The following DCC variants were observed in gnomAD, a reference collection of about 807,000 sequenced individuals.
DCC encodes DCC netrin 1 receptor, also known as netrin receptor DCC.
In DCC, 58 loss-of-function variants were observed where a neutral mutation model predicts 172.5. The observed-to-expected ratio is 0.34, with a 90% CI of 0.27 to 0.42. The LOEUF (loss-of-function observed/expected upper bound fraction) is 0.42. Ranked by LOEUF, DCC falls within the 10% of genes least tolerant of loss-of-function variation. The pLI is 1.00. For missense variants in DCC, 1,740 were observed against 1,791.0 expected, an observed-to-expected ratio of 0.97 and a Z score of 0.51; for synonymous variants, 709 against 644.5, an observed-to-expected ratio of 1.10 and a Z score of -1.52.
intron 15 of DCC, among the ~76,000 whole-genome samples, chr18:53,370,883 C>G (rs2058054467): frequency 6.6e-6 from 1 of 151,560 alleles, no homozygotes; most frequent in South Asian, 2.1e-4. Context: ...CCTCTATTTT[C>G]TTATTTATCT....
chr18:53,480,872 G>T (rs1248053405), intron 25 of DCC: 3 of 152,180 alleles, frequency 2.0e-5, no homozygotes, highest in African/African-American at 7.2e-5. Flanking sequence ...TAGTATCTGA[G>T]AATCAGGTAT....
intron 24 of DCC, among the ~76,000 whole-genome samples, chr18:53,461,210 A>AT (rs2045554824): frequency 6.6e-6 from 1 of 151,430 alleles, no homozygotes; most frequent in East Asian, 1.9e-4. Context: ...GGTTGCAAAA[A>AT]TTTTCTCCCA....
chr18:52,900,702 A>G (rs574485104), intron 2 of DCC, among the ~76,000 whole-genome samples: 3 of 152,200 alleles, frequency 2.0e-5, no homozygotes, highest in Admixed American at 6.5e-5. Context: ...TTGTTAATGC[A>G]TGGAGATACA....
chr18:52,989,892 A>G (rs990721368), intron 5 of DCC, among the ~76,000 whole-genome samples: 2 of 152,308 alleles, frequency 1.3e-5, no homozygotes, highest in Non-Finnish European at 1.5e-5. Context: ...TCCAGTACCC[A>G]CATGTCCACT....
chr18:52,455,069 C>G (rs1988417799), intron 1 of DCC, among the ~76,000 whole-genome samples: 1 of 152,048 alleles, frequency 6.6e-6, no homozygotes, highest in Non-Finnish European at 1.5e-5. Flanking sequence ...TATAGTAAAG[C>G]TAAAAATTCC....
chr18:52,516,693 G>A (rs903895862), intron 1 of DCC, among the ~76,000 whole-genome samples: 5 of 152,126 alleles, frequency 3.3e-5, no homozygotes, highest in African/African-American at 7.2e-5. Context: ...ACCTGAAAAG[G>A]TCATTATTGC....
chr18:52,652,597 T>G (rs1392260348), intron 1 of DCC, among the ~76,000 whole-genome samples: 6 of 152,140 alleles, frequency 3.9e-5, no homozygotes, highest in Non-Finnish European at 2.9e-5. Context: ...CCCATTGGAA[T>G]GTTCAGTCTC....
chr18:52,882,294 T>A (rs1476543479), intron 2 of DCC, among the ~76,000 whole-genome samples: 2 of 152,014 alleles, frequency 1.3e-5, no homozygotes. Context: ...TCCTTTAGGT[T>A]TTTACAAATA....
intron 15 of DCC, among the ~76,000 whole-genome samples, chr18:53,359,306 A>C (rs1183424775): frequency 6.6e-6 from 1 of 152,174 alleles, no homozygotes; most frequent in Non-Finnish European, 1.5e-5. Context: ...GTACTGAATC[A>C]CAAATACTGG....
chr18:52,722,236 AG>A (rs2036483914), intron 1 of DCC, among the ~76,000 whole-genome samples: 1 of 152,100 alleles, frequency 6.6e-6, no homozygotes, highest in Non-Finnish European at 1.5e-5. Context: ...CAAGTTTATT[AG>A]GGAATTGTGC....
intron 12 of DCC, among the ~76,000 whole-genome samples, chr18:53,303,616 G>C (rs1368872119): frequency 1.3e-5 from 2 of 152,138 alleles, no homozygotes; most frequent in Non-Finnish European, 2.9e-5. Flanking sequence ...TGGCCTGTCT[G>C]TTTGGCTGCT....
intron 12 of DCC, among the ~76,000 whole-genome samples, chr18:53,270,888 T>C (rs999737470): frequency 5.9e-5 from 9 of 152,202 alleles, no homozygotes; most frequent in Admixed American, 5.9e-4. Flanking sequence ...TATAGAGTCC[T>C]TACTATGTGC....
intron 9 of DCC, among the ~76,000 whole-genome samples, chr18:53,197,458 T>C (rs991885884): frequency 1.4e-5 from 2 of 147,674 alleles, no homozygotes; most frequent in African/African-American, 5.1e-5. Context: ...GCTGTTAAAT[T>C]GATGATTTTG....
intron 13 of DCC, among the ~76,000 whole-genome samples, chr18:53,312,175 A>AG (rs1215411937): frequency 8.4e-5 from 3 of 35,850 alleles, no homozygotes; most frequent in Non-Finnish European, 1.5e-4. Flanking sequence ...AAAAAAAAAA[A>AG]AAGAAAAAGA....
rs74584290 is a variant in DCC at position 52,771,112 on chromosome 18, T to G, written c.412+18738T>G. Reference sequence around the variant, plus strand: ...TCTGAGGTTTACGTTCATGCCTCACTGGGCCTGATTTACTCAGTGTCATCT... The same window carrying G: ...TCTGAGGTTTACGTTCATGCCTCACGGGGCCTGATTTACTCAGTGTCATCT... On this transcript the variant is annotated intron_variant, in intron 2 of 28. Transcript: ENST00000442544. Among the ~76,000 whole-genome samples the G allele has an allele frequency of 8.5e-5, 13 of 152,322 alleles. No individual in the cohort carries two copies. In the East Asian group the frequency reaches 2.5e-3, roughly 30 times the overall value.
chr18:53,270,242 G>T (rs1047497398), intron 12 of DCC, among the ~76,000 whole-genome samples: 2 of 152,096 alleles, frequency 1.3e-5, no homozygotes, highest in Non-Finnish European at 2.9e-5. Flanking sequence ...CTACCCATAA[G>T]CTCCTGGCTC....
intron 1 of DCC, among the ~76,000 whole-genome samples, chr18:52,725,173 G>A (rs2036533479): frequency 6.6e-6 from 1 of 152,122 alleles, no homozygotes; most frequent in Admixed American, 6.5e-5. Flanking sequence ...ACCTTTTTCA[G>A]GAGGGAAGGA....
intron 1 of DCC, among the ~76,000 whole-genome samples, chr18:52,521,318 T>C (rs1490646381): frequency 6.6e-6 from 1 of 152,202 alleles, no homozygotes; most frequent in East Asian, 1.9e-4. Context: ...CCCATCATGT[T>C]CACTGAATAA....
intron 7 of DCC, among the ~76,000 whole-genome samples, chr18:53,112,118 CT>C (rs1208277443): frequency 6.6e-6 from 1 of 151,306 alleles, no homozygotes; most frequent in East Asian, 2.0e-4. Context: ...ACCAAAAAGC[CT>C]TCTAAATAAG....
Sources: allele counts gnomAD v4.1 joint callset (sites outside exome capture counted in the v4.1 genomes callset), GRCh38; gene constraint gnomAD v4.1.1; transcripts MANE v1.5; gene names NCBI Gene and HGNC (gene_info 2026-07-23, HGNC 2026-07-21).